The following ADAM28 variants were observed in gnomAD, a reference collection of about 807,000 sequenced individuals.
The protein encoded by ADAM28 is ADAM metallopeptidase domain 28, also known as disintegrin and metalloproteinase domain-containing protein 28.
In ADAM28, 105 loss-of-function variants were observed where a neutral mutation model predicts 101.2. The observed-to-expected ratio is 1.04, with a 90% CI of 0.89 to 1.22. The LOEUF is 1.22. Ranked by LOEUF, ADAM28 falls within the 50% of genes most tolerant of loss-of-function variation. The pLI is 0.00. For missense variants in ADAM28, 1,028 were observed against 945.4 expected (o/e 1.09, Z -1.15); for synonymous variants, 322 against 310.6 (o/e 1.04, Z -0.39).
rs866891711 is a variant in ADAM28, at chr8:24,313,425, G to A, written c.421G>A (p.Glu141Lys). 1 of 1,612,740 alleles carries A rather than the reference G, an allele frequency of 6.2e-7. No homozygotes were observed. Among genetic ancestry groups the A allele is most frequent in the Non-Finnish European group, 8.5e-7 (1 of 1,179,444 alleles). ...TCAGGGGGATCAAAGATACTTTATT[G>A]AACCTTTAAGCCCCATACATCGGGA... is the stretch of plus-strand genomic sequence containing the variant. ...FSQGDQRYFIEPLSPIHRDGQ... is the reference protein window; with the variant it reads ...FSQGDQRYFIKPLSPIHRDGQ... Residue 141 changes from glutamate (E) to lysine (K), a missense_variant, in exon 6 of 23, where the codon GAA becomes AAA. Glu to Lys is a moderately conservative substitution (Grantham distance 56). Transcript: ENST00000265769.
chr8:24,308,020 T>G (rs1367782159), intron 2 of ADAM28, among the ~76,000 whole-genome samples: 1 of 152,216 alleles, frequency 6.6e-6, no homozygotes, highest in Non-Finnish European at 1.5e-5. Flanking sequence ...CTTACAGATT[T>G]GCTCCATCCC....
Position 24,331,351 on chromosome 8 carries a change from C to T in ADAM28, c.1281+24C>T, listed in dbSNP as rs373845732. Reference sequence around the variant, plus strand: ...AGGTATGGCCAATCACTTTCTAAAACGATCTAGTTGGTTTTTCAGTTGCTA... The same window carrying T: ...AGGTATGGCCAATCACTTTCTAAAATGATCTAGTTGGTTTTTCAGTTGCTA... On this transcript the variant is annotated intron_variant, in intron 12 of 22. Transcript: ENST00000265769. 5.6e-5 allele frequency: 88 copies of T among 1,569,618 alleles called. 1 individual carries two copies. The highest frequency in any genetic ancestry group is 9.7e-5 in the South Asian group (8 of 82,428).
chr8:24,326,543 C>T lies in ADAM28; in HGVS notation c.891-11C>T, dbSNP rs10087966. The T allele has an allele frequency of 6.7e-3, 10,798 of 1,609,772 alleles. 662 individuals carry two copies. The African/African-American group carries it at 0.13, about 19-fold the overall frequency. ...TATAATTTGTTACATCAATTTATTC[C>T]TTTCTTGCAGAGCAACAGAACTTGC... is the stretch of plus-strand genomic sequence containing the variant. On this transcript the variant is annotated splice_polypyrimidine_tract_variant and intron_variant, in intron 9 of 22. Coordinates refer to ENST00000265769, the MANE Select transcript of ADAM28 (RefSeq NM_014265.6).
intron 18 of ADAM28, 23 bp from the exon 19 acceptor site, chr8:24,349,840 GC>G: frequency 6.2e-7 from 1 of 1,600,328 alleles, no homozygotes; most frequent in East Asian, 2.2e-5. Flanking sequence ...GCAGTCCTCA[GC>G]GGGCCCCTGT....
intron 21 of ADAM28, among the ~76,000 whole-genome samples, chr8:24,352,377 AC>A (rs1563333065): frequency 6.6e-6 from 1 of 152,188 alleles, no homozygotes; most frequent in East Asian, 1.9e-4. Flanking sequence ...CATTCTGGAG[AC>A]TGGGAAGTCC....
intron 19 of ADAM28, 125 bp from the exon 20 acceptor site, chr8:24,351,107 A>G (rs1816063044): frequency 2.8e-6 from 2 of 701,904 alleles, no homozygotes; most frequent in Admixed American, 3.5e-5. Context: ...GGGAGCAGAT[A>G]AAAACCCAGG....
chr8:24,329,491 T>C (rs1188625927), intron 10 of ADAM28, among the ~76,000 whole-genome samples: 1 of 152,174 alleles, frequency 6.6e-6, no homozygotes, highest in Non-Finnish European at 1.5e-5. Context: ...TCAAGTTGGC[T>C]ATAGGCTGGA....
At chr8:24,322,452 G>A (rs1456979063) in intron 8 of ADAM28, among the ~76,000 whole-genome samples, 1 of 151,994 alleles carries the variant, frequency 6.6e-6, no homozygotes, top group East Asian at 1.9e-4. Context: ...TTACTAAGAA[G>A]AGGAGCATAA....
intron 5 of ADAM28, among the ~76,000 whole-genome samples, chr8:24,312,868 T>G (rs1810656790): frequency 6.6e-6 from 1 of 152,204 alleles, no homozygotes; most frequent in South Asian, 2.1e-4. Flanking sequence ...TTATTTGTCA[T>G]GTGCTTTACA....
At chr8:24,343,778 T>C (rs959807207) in intron 18 of ADAM28, among the ~76,000 whole-genome samples, 194 bp downstream of exon 18, 1 of 152,216 alleles carries the variant, frequency 6.6e-6, no homozygotes, top group African/African-American at 2.4e-5. Flanking sequence ...TCATTTTCAC[T>C]GCACATGCAA....
chr8:24,314,929 A>G (rs1265135296), intron 6 of ADAM28, among the ~76,000 whole-genome samples: 2 of 151,292 alleles, frequency 1.3e-5, no homozygotes, highest in African/African-American at 4.8e-5. Flanking sequence ...AAATACAAAA[A>G]AAAAAAAAAC....
intron 6 of ADAM28, among the ~76,000 whole-genome samples, chr8:24,317,155 T>TA (rs950741996): frequency 6.6e-6 from 1 of 151,766 alleles, no homozygotes; most frequent in Non-Finnish European, 1.5e-5. Flanking sequence ...GCAGTCCTTA[T>TA]AAAAACCCCA....
Position 24,298,037 on chromosome 8 carries a change from G to A in ADAM28, c.47-1937G>A, listed in dbSNP as rs555938924. ...TAATGAGGCTTATTTTATCACATTG[G>A]ATCAGAATTCAGTTATCCTAATGAT... On this transcript the variant is annotated intron_variant, in intron 1 of 22. Transcript: ENST00000265769. Among the ~76,000 whole-genome samples, 70 of 152,202 alleles carry A rather than the reference G, an allele frequency of 4.6e-4. 1 individual carries two copies. Among genetic ancestry groups the A allele is most frequent in the Admixed American group, 2.0e-4 (3 of 15,278 alleles).
At chr8:24,305,753 G>A (rs898129589) in intron 2 of ADAM28, among the ~76,000 whole-genome samples, 50 of 152,064 alleles carry the variant, frequency 3.3e-4, no homozygotes, top group African/African-American at 1.2e-3. Context: ...GTTCTCTCCT[G>A]CTCCCTTTGG....
intron 16 of ADAM28, among the ~76,000 whole-genome samples, chr8:24,342,550 A>G (rs561481221): frequency 6.4e-4 from 97 of 152,188 alleles, no homozygotes; most frequent in Non-Finnish European, 1.1e-3. Flanking sequence ...CACAGTATTT[A>G]AACTTATTCT....
chr8:24,326,404 C>T (rs1292351432), intron 9 of ADAM28, 150 bp from the exon 10 acceptor site: 1 of 606,220 alleles, frequency 1.6e-6, no homozygotes, highest in Non-Finnish European at 2.8e-6. Context: ...TAGAAAAATG[C>T]CTTATGCAAA....
rs536032510 is a variant in ADAM28, at chr8:24,358,711, T to A, written c.*4307T>A. On this transcript the variant is annotated 3_prime_UTR_variant, in exon 23 of 23. Coordinates refer to ENST00000265769, the MANE Select transcript of ADAM28 (RefSeq NM_014265.6). ...CCAACACTTAATACAGTATCACTAT[T>A]ACTGTTAGTAGTATGCTAAGCGAAT... 150 of 152,364 alleles carry A rather than the reference T, an allele frequency of 9.8e-4. No individual in the cohort carries two copies. Among genetic ancestry groups the A allele is most frequent in the African/African-American group, 3.4e-3 (140 of 41,586 alleles). The allele number at this position is 152,364 out of a possible 1,614,324, so 9.4% of individuals were successfully genotyped here. A position where few individuals can be genotyped will look rare whatever the true frequency, so the allele number is the denominator to read the frequency against.
chr8:24,346,708 G>A (rs75984506), intron 18 of ADAM28, among the ~76,000 whole-genome samples: 11,618 of 151,950 alleles, frequency 0.076, 809 homozygotes, highest in African/African-American at 0.18. Flanking sequence ...CAAAATGAAC[G>A]CTCATGTAAT....
chr8:24,301,293 C>A (rs1808724129), intron 2 of ADAM28, among the ~76,000 whole-genome samples: 1 of 152,090 alleles, frequency 6.6e-6, no homozygotes, highest in African/African-American at 2.4e-5. Context: ...ATAGGATTCC[C>A]CTTCAATATG....
Sources: gnomAD v4.1 joint callset for allele counts (sites outside exome capture counted in the v4.1 genomes callset) on GRCh38, gnomAD v4.1.1 for gene constraint, MANE v1.5 for transcripts, NCBI Gene and HGNC (gene_info 2026-07-23, HGNC 2026-07-21) for gene names.